Variants in AHDC1 observed in about 807,000 individuals in gnomAD.
AHDC1 encodes the protein AT-hook DNA binding motif containing 1, also known as transcription factor Gibbin.
Under a neutral mutation model 87.9 loss-of-function variants are expected in AHDC1, and 7 were observed. The observed-to-expected ratio is 0.08, with a 90% CI of 0.05 to 0.15. The LOEUF (loss-of-function observed/expected upper bound fraction) is 0.15. Among genes scored for constraint, AHDC1 ranks in the 10% least tolerant of loss-of-function variants. The probability of loss-of-function intolerance (pLI) is 1.00; values close to 1 mark genes in which losing one functional copy is unlikely to be tolerated. For missense variants in AHDC1, 1,841 were observed against 2,253.2 expected, an observed-to-expected ratio of 0.82 and a Z score of 3.70; for synonymous variants, 1,051 against 1,006.8, an observed-to-expected ratio of 1.04 and a Z score of -0.83.
In AHDC1 at chr1:27,547,783, T is replaced by C. The variant is rs1335110303; in HGVS notation, c.4333A>G (p.Ser1445Gly). 1 of 1,578,580 alleles carries C rather than the reference T, an allele frequency of 6.3e-7. No individual in the cohort carries two copies. Among genetic ancestry groups the C allele is most frequent in the Admixed American group, 1.7e-5 (1 of 57,880 alleles). ...TGGCCCAGCGGCAGGTCCCGGCAGC[T>C]CAGGTGGGCCTGGGCTGCAGCTGCG... ...GHAAAAQAHL[S>G]CRDLPLGQPH... Residue 1445 changes from serine to glycine, a missense_variant, in exon 8 of 9, where the codon AGC becomes GGC. Around this residue, in one of 13 missense-constraint regions of AHDC1, gnomAD observed 505 missense variants for 626.2 expected, o/e 0.81. Transcript: ENST00000673934. This position sits in a 1 kb window ranked among gnomAD's most constrained non-coding sequence, Gnocchi z 4.9.
At chr1:27,587,247 G>A (rs1006239211) in intron 3 of AHDC1, among the ~76,000 whole-genome samples, 2 of 152,208 alleles carry the variant, frequency 1.3e-5, no homozygotes, top group African/African-American at 4.8e-5. Context: ...AGGAGAGCCT[G>A]AAGCTGACTC....
In AHDC1 at chr1:27,565,007, C is replaced by A. The variant is rs977035041; in HGVS notation, c.-628-6124G>T. On this transcript the variant is annotated intron_variant, in intron 3 of 8. Coordinates refer to ENST00000673934, the MANE Select transcript of AHDC1 (RefSeq NM_001371928.1). The surrounding 1 kb of genome is among the most constrained non-coding windows in gnomAD (Gnocchi z 4.6). ...GCCACGGACAGCCTCAGAGCAGAGT[C>A]CCCCTAGCCCCTGGGGGTGGCTGGA... Among the ~76,000 whole-genome samples, 3 of 152,178 alleles carry A rather than the reference C, an allele frequency of 2.0e-5. No homozygotes were observed.
intron 8 of AHDC1, among the ~76,000 whole-genome samples, chr1:27,545,782 T>C (rs1314133916): frequency 6.6e-6 from 1 of 151,492 alleles, no homozygotes; most frequent in Admixed American, 6.6e-5. Flanking sequence ...GTCTCTGCCA[T>C]GCAGAGCTGC....
At chr1:27,576,173 C>A (rs1038352689) in intron 3 of AHDC1, among the ~76,000 whole-genome samples, 1 of 152,202 alleles carries the variant, frequency 6.6e-6, no homozygotes, top group African/African-American at 2.4e-5. Context: ...CACCGTGAAC[C>A]GGCGGCCAAT....
rs967976579 is a variant in AHDC1, at chr1:27,550,079, A to T, written c.2037T>A (p.Gly679=). The T allele has an allele frequency of 5.6e-6, 9 of 1,607,908 alleles. No homozygotes were observed. In the African/African-American group the frequency reaches 9.4e-5, roughly 17 times the overall value. Residue 679 remains glycine, a synonymous_variant, in exon 8 of 9, where the codon GGT becomes GGA. Transcript: ENST00000673934. ...GGGCTGACTTGGCCGCATGGCCCCC[A>T]CCCCGGCCACCAAAACCGCCTGCTT... The part of the protein sequence containing the change: ...GGKAGGFGGR[G]GGHAAKSARC...
chr1:27,575,997 C>A (rs1227376188), intron 3 of AHDC1, among the ~76,000 whole-genome samples: 1 of 152,100 alleles, frequency 6.6e-6, no homozygotes, highest in Non-Finnish European at 1.5e-5. Flanking sequence ...CGGCAGCGGT[C>A]CGGACCTGCG....
In AHDC1 at chr1:27,549,277, G is replaced by C. The variant is rs752125312; in HGVS notation, c.2839C>G (p.Leu947Val). ...DCRAAETFPK[L>V]VPPPSAMARS... ...GCCATGGCTGAGGGCGGGGGCACCA[G>C]CTTGGGGAAGGTCTCGGCTGCCCGG... Residue 947 changes from leucine to valine, a missense_variant, in exon 8 of 9, where the codon CTG becomes GTG. By Grantham distance (32) the Leu-to-Val change is conservative (BLOSUM62 1). Around this residue, in one of 13 missense-constraint regions of AHDC1, gnomAD observed 378 missense variants for 399.0 expected, o/e 0.95. Transcript: ENST00000673934. The C allele has an allele frequency of 6.2e-7, 1 of 1,603,830 alleles. No individual in the cohort carries two copies. Among genetic ancestry groups the C allele is most frequent in the South Asian group, 1.1e-5 (1 of 90,212 alleles).
Position 27,550,031 on chromosome 1 carries a change from A to T in AHDC1, c.2085T>A (p.Phe695Leu). 1 of 1,601,298 alleles carries T rather than the reference A, an allele frequency of 6.2e-7. No individual in the cohort carries two copies. The highest frequency in any genetic ancestry group is 8.5e-7 in the Non-Finnish European group (1 of 1,171,610). The change falls in exon 8 of 9, where the codon TTT (phenylalanine) becomes TTA (leucine). Residue 695 changes from phenylalanine (F) to leucine (L), a missense_variant. By Grantham distance (22) the Phe-to-Leu change is conservative (BLOSUM62 0). This residue lies in a region of AHDC1 where 236 missense variants were observed against 257.9 expected (regional missense o/e 0.92). Transcript: ENST00000673934. Reference sequence around the variant, plus strand: ...CCTTCTTTTTCTTGCCGATGCCCTCAAAGAAGTCACTGAAGGAGCATCGGG... The same window carrying T: ...CCTTCTTTTTCTTGCCGATGCCCTCTAAGAAGTCACTGAAGGAGCATCGGG... ...KSARCSFSDF[F>L]EGIGKKKKVV... is the part of the protein sequence containing the mutation.
chr1:27,579,591 A>T (rs1224804820), intron 3 of AHDC1, among the ~76,000 whole-genome samples: 1 of 149,218 alleles, frequency 6.7e-6, no homozygotes, highest in African/African-American at 2.6e-5. Flanking sequence ...GTTTGCTTAG[A>T]TCACTGTCTA....
intron 3 of AHDC1, among the ~76,000 whole-genome samples, chr1:27,576,168 T>G (rs1020354165): frequency 3.3e-5 from 5 of 152,180 alleles, no homozygotes; most frequent in Non-Finnish European, 7.4e-5. Flanking sequence ...AGCGCCACCG[T>G]GAACCGGCGG....
At chr1:27,537,130 C>T (rs2018676735) in intron 8 of AHDC1, among the ~76,000 whole-genome samples, 1 of 152,262 alleles carries the variant, frequency 6.6e-6, no homozygotes, top group East Asian at 1.9e-4. Context: ...AAATCAAAGC[C>T]CAAAAGCCCC....
At chr1:27,559,418 C>G (rs532687193) in intron 3 of AHDC1, among the ~76,000 whole-genome samples, 5 of 152,320 alleles carry the variant, frequency 3.3e-5, no homozygotes, top group African/African-American at 1.2e-4. Context: ...TCTATGTACA[C>G]ACATGCATAT....
At chr1:27,566,815 T>TG (rs1189693145) in intron 3 of AHDC1, among the ~76,000 whole-genome samples, 1 of 37,608 alleles carries the variant, frequency 2.7e-5, no homozygotes, top group Non-Finnish European at 5.3e-5. Context: ...GCTGCTAGGG[T>TG]GGGGGGAAGA....
At chr1:27,545,684 T>TTG (rs2019130851) in intron 8 of AHDC1, among the ~76,000 whole-genome samples, 1 of 150,102 alleles carries the variant, frequency 6.7e-6, no homozygotes, top group African/African-American at 2.5e-5. Context: ...ATGAGACGCA[T>TTG]GGGGAATGGA....
At chr1:27,602,571 C>T (rs944182125) in intron 3 of AHDC1, among the ~76,000 whole-genome samples, 2 of 152,154 alleles carry the variant, frequency 1.3e-5, no homozygotes, top group Admixed American at 1.3e-4. Context: ...GGGAAGGCGC[C>T]CTCAAGCAGC....
At chr1:27,585,210 T>C (rs1571324209) in intron 3 of AHDC1, among the ~76,000 whole-genome samples, 1 of 130,498 alleles carries the variant, frequency 7.7e-6, no homozygotes, top group African/African-American at 3.0e-5. Flanking sequence ...CCGTGACTGC[T>C]CCACTGCACT....
chr1:27,553,241 T>G (rs1309128297), intron 5 of AHDC1, 56 bp from the exon 6 acceptor site: 1 of 152,560 alleles, frequency 6.6e-6, no homozygotes, highest in East Asian at 1.9e-4. Context: ...CGCCAGGTAC[T>G]GGGCTGGAAG....
intron 3 of AHDC1, among the ~76,000 whole-genome samples, chr1:27,597,426 T>TG (rs1294416326): frequency 6.6e-6 from 1 of 151,742 alleles, no homozygotes. Flanking sequence ...GGTGTGACCG[T>TG]GGGGGCTGCG....
rs556512564 is a variant in AHDC1, at chr1:27,561,518, G to A, written c.-628-2635C>T. Among the ~76,000 whole-genome samples the A allele has an allele frequency of 2.4e-4, 37 of 152,326 alleles. No individual in the cohort carries two copies. In the South Asian group the frequency reaches 5.2e-3, roughly 21 times the overall value. ...TGTGGTGGGGGGAACACAGCAAGGA[G>A]GGGTGCAGGGGCTGGGCTGGGACTA... is the stretch of plus-strand genomic sequence containing the variant. On this transcript the variant is annotated intron_variant, in intron 3 of 8. Transcript: ENST00000673934. The surrounding 1 kb of genome is among the most constrained non-coding windows in gnomAD (Gnocchi z 4.2).
Sources: allele counts gnomAD v4.1 joint callset (sites outside exome capture counted in the v4.1 genomes callset), GRCh38; gene constraint gnomAD v4.1.1; regional missense constraint gnomAD v4.1.1; non-coding constraint Gnocchi (gnomAD v3.1); transcripts MANE v1.5; gene names NCBI Gene and HGNC (gene_info 2026-07-23, HGNC 2026-07-21).